The following JAM2 variants were observed in gnomAD, a reference collection of about 807,000 sequenced individuals.
The protein encoded by JAM2 is junctional adhesion molecule 2.
JAM2 carries 17 observed loss-of-function variants against 42.0 expected under a neutral mutation model. That is an observed-to-expected ratio of 0.40 (90% CI 0.28 to 0.61). The LOEUF is 0.61. Ranked by LOEUF, JAM2 falls within the 20% of genes least tolerant of loss-of-function variation. The probability of loss-of-function intolerance (pLI) is 0.37; values close to 1 mark genes in which losing one functional copy is unlikely to be tolerated. For synonymous variants in JAM2, 118 were observed against 128.6 expected (o/e 0.92, Z 0.56); for missense variants, 319 against 358.3 (o/e 0.89, Z 0.89).
At chr21:25,668,870 G>A (rs2033286154) in intron 1 of JAM2, among the ~76,000 whole-genome samples, 1 of 152,202 alleles carries the variant, frequency 6.6e-6, no homozygotes, top group African/African-American at 2.4e-5. Context: ...TGGACGTTAA[G>A]TGTAGAAAGC....
chr21:25,694,553 G>A lies in JAM2; in HGVS notation c.394+645G>A, dbSNP rs187973044. ...TTCTATAAGAATCATGGATAGATTA[G>A]GCACAGGGGCTTATGCCTCTAATCC... On this transcript the variant is annotated intron_variant, in intron 4 of 9. Coordinates refer to ENST00000480456, the MANE Select transcript of JAM2 (RefSeq NM_021219.4). Among the ~76,000 whole-genome samples, 15 of 152,258 alleles carry A rather than the reference G, an allele frequency of 9.9e-5. No homozygotes were observed. The East Asian group carries it at 2.9e-3, about 29-fold the overall frequency.
chr21:25,650,444 C>T (rs913158190), intron 1 of JAM2, among the ~76,000 whole-genome samples: 1 of 152,150 alleles, frequency 6.6e-6, no homozygotes, highest in Non-Finnish European at 1.5e-5. Context: ...AAATCAGATA[C>T]ATGTAAGAAT....
intron 7 of JAM2, among the ~76,000 whole-genome samples, chr21:25,708,940 C>CTACT (rs970335698): frequency 6.6e-6 from 1 of 152,078 alleles, no homozygotes; most frequent in African/African-American, 2.4e-5. Flanking sequence ...GGTTGGCAGA[C>CTACT]TACTATCTGT....
At chr21:25,698,007 T>C (rs1191594811) in intron 4 of JAM2, among the ~76,000 whole-genome samples, 2 of 151,922 alleles carry the variant, frequency 1.3e-5, no homozygotes, top group South Asian at 2.1e-4. Context: ...TCCCTCTCTC[T>C]CCCTCTCTCT....
At chr21:25,698,941 A>T in intron 5 of JAM2, 62 bp downstream of exon 5, 1 of 1,428,962 alleles carries the variant, frequency 7.0e-7, no homozygotes, top group South Asian at 1.2e-5. Context: ...AAATTATTAG[A>T]ACTTAAGATG....
At chr21:25,678,444 G>T (rs1455869171) in intron 1 of JAM2, among the ~76,000 whole-genome samples, 1 of 152,044 alleles carries the variant, frequency 6.6e-6, no homozygotes, top group Non-Finnish European at 1.5e-5. Context: ...GGGATATGGG[G>T]GAAGAGAAAA....
At chr21:25,694,835 CAA>C (rs778496287) in intron 4 of JAM2, among the ~76,000 whole-genome samples, 1 of 129,978 alleles carries the variant, frequency 7.7e-6, no homozygotes, top group African/African-American at 2.8e-5. Context: ...AGGACTTTCT[CAA>C]AAAAAAAAAA....
At chr21:25,686,685 C>T (rs1352124339) in intron 2 of JAM2, among the ~76,000 whole-genome samples, 1 of 152,196 alleles carries the variant, frequency 6.6e-6, no homozygotes, top group African/African-American at 2.4e-5. Context: ...TAATAGCAAG[C>T]ATTTCTTCAC....
At chr21:25,702,131 C>G in intron 5 of JAM2, 39 bp from the exon 6 acceptor site, 1 of 1,140,492 alleles carries the variant, frequency 8.8e-7, no homozygotes, top group Non-Finnish European at 1.3e-6. Flanking sequence ...ACTTATAGAT[C>G]TATGGCTTAA....
rs1286169302 is a variant in JAM2 at position 25,639,265 on chromosome 21, A to G, written c.-557A>G. ...CCCCTAGGCTGAAAAGCCAGAAAGA[A>G]GTTTTGAGCCAACGAGGGGAAGAAA... On this transcript the variant is annotated 5_prime_UTR_variant, in exon 1 of 10. Transcript: ENST00000480456. The G allele has an allele frequency of 6.6e-6, 1 of 152,392 alleles. No individual in the cohort carries two copies. The highest frequency in any genetic ancestry group is 1.5e-5 in the Non-Finnish European group (1 of 68,168). 9.4% of individuals were successfully genotyped at this position (152,392 alleles called of 1,614,324 possible). A position where few individuals can be genotyped will look rare whatever the true frequency, so the allele number is the denominator to read the frequency against.
intron 7 of JAM2, among the ~76,000 whole-genome samples, chr21:25,708,224 T>A (rs564698887): frequency 6.6e-6 from 1 of 152,332 alleles, no homozygotes; most frequent in East Asian, 1.9e-4. Flanking sequence ...CTAGGTATTA[T>A]GTCTCATAAA....
intron 1 of JAM2, among the ~76,000 whole-genome samples, chr21:25,645,204 G>A: frequency 6.6e-6 from 1 of 152,122 alleles, no homozygotes; most frequent in East Asian, 1.9e-4. Flanking sequence ...TTTATTAGTT[G>A]TATTTCAAAT....
At chr21:25,640,029 G>GTCTGACCC in intron 1 of JAM2, 141 bp downstream of exon 1, 2 of 564,404 alleles carry the variant, frequency 3.5e-6, no homozygotes, top group Non-Finnish European at 6.0e-6. Flanking sequence ...GCGCCCAGGC[G>GTCTGACCC]AGCGGGAAAC....
In JAM2 at chr21:25,717,495, A is replaced by AAT; in HGVS notation, c.*2824_*2825insTA. 1 of 852,382 alleles carries AAT rather than the reference A, an allele frequency of 1.2e-6. No individual in the cohort carries two copies. Among genetic ancestry groups the AAT allele is most frequent in the East Asian group, 3.0e-5 (1 of 33,674 alleles). The allele number at this position is 852,382 out of a possible 1,614,324, so 52.8% of individuals were successfully genotyped here. A position where few individuals can be genotyped will look rare whatever the true frequency, so the allele number is the denominator to read the frequency against. On this transcript the variant is annotated 3_prime_UTR_variant, in exon 10 of 10. Transcript: ENST00000480456. ...GGACCAATTGATTGCTTTTCAATAC[A>AAT]ACTTTGCAAAGAACTTCCTTTTTCC...
At chr21:25,647,363 A>T (rs1295293783) in intron 1 of JAM2, among the ~76,000 whole-genome samples, 1 of 152,228 alleles carries the variant, frequency 6.6e-6, no homozygotes. Flanking sequence ...TCCAGTATAT[A>T]TAAGCATACT....
intron 6 of JAM2, among the ~76,000 whole-genome samples, chr21:25,705,702 A>G (rs1416550415): frequency 6.6e-6 from 1 of 152,242 alleles, no homozygotes; most frequent in Non-Finnish European, 1.5e-5. Flanking sequence ...GTGAATTATT[A>G]CACATCTCCA....
intron 3 of JAM2, among the ~76,000 whole-genome samples, chr21:25,691,704 A>C (rs906313786): frequency 5.3e-5 from 8 of 152,168 alleles, no homozygotes; most frequent in Admixed American, 1.3e-4. Flanking sequence ...CTAGAAAGGG[A>C]ATGAGGCAAG....
Position 25,691,162 on chromosome 21 carries a change from T to G in JAM2, c.241+1189T>G, listed in dbSNP as rs73335949. ...AACATGTTATGATTTTAAAATACTATGTATTTCTTTAATGTTAAAGAATTA... is the reference window on the plus strand; with the variant it reads ...AACATGTTATGATTTTAAAATACTAGGTATTTCTTTAATGTTAAAGAATTA... On this transcript the variant is annotated intron_variant, in intron 3 of 9. Coordinates refer to ENST00000480456, the MANE Select transcript of JAM2 (RefSeq NM_021219.4). 7.2e-3 allele frequency among the ~76,000 whole-genome samples: 1,099 copies of G among 152,360 alleles called. 13 individuals carry two copies. The highest frequency in any genetic ancestry group is 0.024 in the African/African-American group (1,008 of 41,582).
chr21:25,714,108 T>G (rs1208311358), intron 9 of JAM2: 48 of 1,195,050 alleles, frequency 4.0e-5, no homozygotes, highest in Non-Finnish European at 5.1e-5. Context: ...TTTGTCTGCC[T>G]CTGCCTTCCA....
Sources: gnomAD v4.1 joint callset for allele counts (sites outside exome capture counted in the v4.1 genomes callset) on GRCh38, gnomAD v4.1.1 for gene constraint, MANE v1.5 for transcripts, NCBI Gene and HGNC (gene_info 2026-07-23, HGNC 2026-07-21) for gene names.